Variants in RAB5B observed in about 807,000 individuals in gnomAD.
RAB5B encodes ras-related protein Rab-5B.
In RAB5B, 11 loss-of-function variants were observed where a neutral mutation model predicts 28.6. That is an observed-to-expected ratio of 0.38 (90% CI 0.24 to 0.64). RAB5B has a LOEUF of 0.64. Ranked by LOEUF, RAB5B falls within the 30% of genes least tolerant of loss-of-function variation. The pLI, the probability that RAB5B is intolerant of heterozygous loss-of-function variation, is 0.53. For missense variants in RAB5B, 169 were observed against 265.6 expected (o/e 0.64, Z 2.53); for synonymous variants, 93 against 97.9 (o/e 0.95, Z 0.29).
intron 4 of RAB5B, 120 bp from the exon 5 acceptor site, chr12:55,991,240 G>A: frequency 1.4e-6 from 1 of 692,222 alleles, no homozygotes; most frequent in Non-Finnish European, 2.6e-6. Context: ...GGCTCAAAGG[G>A]GTATTAATTA....
intron 5 of RAB5B, chr12:55,991,787 C>T (rs554102688): frequency 1.5e-5 from 6 of 400,942 alleles, no homozygotes; most frequent in Admixed American, 3.9e-5. Flanking sequence ...ATTAGCTGGG[C>T]GTGGTGGCGC....
In RAB5B at chr12:55,981,622, C is replaced by T. The variant is rs914213938; in HGVS notation, c.-92-5247C>T. Among the ~76,000 whole-genome samples, 4 of 152,010 alleles carry T rather than the reference C, an allele frequency of 2.6e-5. No homozygotes were observed. The East Asian group carries it at 5.8e-4, about 22-fold the overall frequency. ...GGGGCTTGAGGAATGGAGTCTTACTCTAGCTGGGACTGCTAAGACACTTTT... is the reference window on the plus strand; with the variant it reads ...GGGGCTTGAGGAATGGAGTCTTACTTTAGCTGGGACTGCTAAGACACTTTT... On this transcript the variant is annotated intron_variant, in intron 1 of 5. Transcript: ENST00000360299.
At chr12:55,979,429 G>A (rs1340205778) in intron 1 of RAB5B, 1 of 152,200 alleles carries the variant, frequency 6.6e-6, no homozygotes. Context: ...CTCATTTCAA[G>A]ATTTTGGTGA....
intron 5 of RAB5B, 110 bp downstream of exon 5, chr12:55,991,563 G>A: frequency 1.2e-6 from 1 of 811,836 alleles, no homozygotes; most frequent in South Asian, 1.6e-5. Flanking sequence ...AAAACTTTAG[G>A]TATGGAAATA....
rs561415301 is a variant in RAB5B at position 55,977,432 on chromosome 12, C to G, written c.-93+3293C>G. Among the ~76,000 whole-genome samples, 5 of 152,204 alleles carry G rather than the reference C, an allele frequency of 3.3e-5. No homozygotes were observed. In the South Asian group the frequency reaches 1.0e-3, roughly 32 times the overall value. On this transcript the variant is annotated intron_variant, in intron 1 of 5. Transcript: ENST00000360299. Reference sequence around the variant, plus strand: ...TTGGAGAAGAGAGCTTTCCCATTGCCCTTCAAGTCATACCTCATATCTTTT... The same window carrying G: ...TTGGAGAAGAGAGCTTTCCCATTGCGCTTCAAGTCATACCTCATATCTTTT...
At position 55,986,818 on chromosome 12, in the gene RAB5B, T is replaced by C; in HGVS notation, c.-92-51T>C. ...GTTCTATCCTTCTCTGAAAAGCGAT[T>C]GCAGCTTCAATGGACGTATGTTTAA... On this transcript the variant is annotated intron_variant, in intron 1 of 5. Transcript: ENST00000360299. The C allele has an allele frequency of 4.4e-6, 3 of 682,704 alleles. No individual in the cohort carries two copies. In the South Asian group the frequency reaches 5.2e-5, roughly 12 times the overall value. The allele number at this position is 682,704 out of a possible 1,614,324, so 42.3% of individuals were successfully genotyped here.
At position 55,991,463 on chromosome 12, in the gene RAB5B, G is replaced by A. The variant is rs2136491294; in HGVS notation, c.532+10G>A. ...CTCTTCCTGGCAATAGGTAAGGTCA[G>A]AACATCCTGAGGTCCTCCTTTTTCC... On this transcript the variant is annotated intron_variant, in intron 5 of 5. Coordinates refer to ENST00000360299, the MANE Select transcript of RAB5B (RefSeq NM_002868.4). The A allele has an allele frequency of 6.2e-7, 1 of 1,606,182 alleles. No homozygotes were observed. Among genetic ancestry groups the A allele is most frequent in the East Asian group, 2.2e-5 (1 of 44,828 alleles).
rs1565790447 is a variant in RAB5B, at chr12:55,992,123, C to A, written c.559C>A (p.Gln187Lys). The part of the protein sequence containing the change: ...IAKKLPKSEP[Q>K]NLGGAAGRSR... ...TAAGAAGTTGCCAAAGAGTGAACCC[C>A]AGAATCTGGGAGGTGCAGCAGGCCG... Residue 187 changes from glutamine (Q) to lysine (K), a missense_variant, in exon 6 of 6, where the codon CAG (glutamine) becomes AAG (lysine). Around this residue, in one of 3 missense-constraint regions of RAB5B, gnomAD observed 123 missense variants for 162.4 expected, o/e 0.76. Coordinates refer to ENST00000360299, the MANE Select transcript of RAB5B (RefSeq NM_002868.4). 2.5e-6 allele frequency: 4 copies of A among 1,614,110 alleles called. No homozygotes were observed. The highest frequency in any genetic ancestry group is 3.4e-6 in the Non-Finnish European group (4 of 1,180,018).
At chr12:55,980,955 G>T (rs545358218) in intron 1 of RAB5B, 87 of 1,613,712 alleles carry the variant, frequency 5.4e-5, no homozygotes, top group Admixed American at 1.5e-4. Flanking sequence ...TCTGCAAAGC[G>T]AATGATCAGA....
intron 3 of RAB5B, among the ~76,000 whole-genome samples, 176 bp from the exon 4 acceptor site, chr12:55,990,506 A>G (rs1890081752): frequency 6.6e-6 from 1 of 152,200 alleles, no homozygotes; most frequent in Non-Finnish European, 1.5e-5. Context: ...AATAGCAAAT[A>G]AGAGTACAAA....
At chr12:55,991,657 G>A (rs1268037972) in intron 5 of RAB5B, 2 of 520,952 alleles carry the variant, frequency 3.8e-6, no homozygotes, top group East Asian at 3.5e-5. Flanking sequence ...GGCCAGGTGT[G>A]GTGGCTAACA....
At position 55,991,451 on chromosome 12, in the gene RAB5B, T is replaced by C. The variant is rs1890117070; in HGVS notation, c.530T>C (p.Ile177Thr). ...AMNVNDLFLA[I>T]AKKLPKSEPQ... ...AACGTGAATGATCTCTTCCTGGCAA[T>C]AGGTAAGGTCAGAACATCCTGAGGT... is the stretch of plus-strand genomic sequence containing the variant. Residue 177 changes from isoleucine (I) to threonine (T), a missense_variant and splice_region_variant, in exon 5 of 6, where the codon ATA (isoleucine) becomes ACA (threonine). Coordinates refer to ENST00000360299, the MANE Select transcript of RAB5B (RefSeq NM_002868.4). The C allele has an allele frequency of 6.2e-7, 1 of 1,612,188 alleles. No homozygotes were observed. The highest frequency in any genetic ancestry group is 1.1e-5 in the South Asian group (1 of 91,026).
chr12:55,983,874 G>A (rs1473526255), intron 1 of RAB5B, among the ~76,000 whole-genome samples: 2 of 151,844 alleles, frequency 1.3e-5, no homozygotes, highest in Non-Finnish European at 2.9e-5. Flanking sequence ...TGCCTAGGCT[G>A]GTCTCAAACT....
chr12:55,990,290 C>T lies in RAB5B; in HGVS notation c.315+192C>T, dbSNP rs193008993. 167 of 562,600 alleles carry T rather than the reference C, an allele frequency of 3.0e-4. 2 individuals are homozygous for T. The highest frequency in any genetic ancestry group is 1.6e-3 in the Middle Eastern group (3 of 1,870). The allele number at this position is 562,600 out of a possible 1,614,324, so 34.9% of individuals were successfully genotyped here. The stretch of plus-strand genomic sequence containing the variant: ...GGGCGTGGTGGTGCGCGCCTGTAGT[C>T]CCAGCTACTCGGGAGGCTGAGGCAG... On this transcript the variant is annotated intron_variant, in intron 3 of 5. Coordinates refer to ENST00000360299, the MANE Select transcript of RAB5B (RefSeq NM_002868.4).
At chr12:55,986,283 A>G (rs1287016398) in intron 1 of RAB5B, among the ~76,000 whole-genome samples, 4 of 152,212 alleles carry the variant, frequency 2.6e-5, no homozygotes, top group African/African-American at 9.7e-5. Flanking sequence ...CTCCGTCTCT[A>G]CTAAAAATAC....
intron 1 of RAB5B, chr12:55,985,523 G>A (rs1889928219): frequency 3.5e-6 from 1 of 289,102 alleles, no homozygotes; most frequent in East Asian, 1.0e-4. Context: ...TCAGAGTCAG[G>A]ATGATGAAAT....
intron 4 of RAB5B, chr12:55,991,030 G>A (rs1890099800): frequency 3.6e-6 from 2 of 562,718 alleles, no homozygotes; most frequent in South Asian, 4.5e-5. Flanking sequence ...GGTACCAGCT[G>A]TGGGGGTACC....
At position 55,994,694 on chromosome 12, in the gene RAB5B, G is replaced by GA. The variant is rs1033074726; in HGVS notation, c.*2489dup. 7 of 152,220 alleles carry GA rather than the reference G, an allele frequency of 4.6e-5. No homozygotes were observed. 9.4% of individuals were successfully genotyped at this position (152,220 alleles called of 1,614,324 possible). ...ATGTATTTAATGTAAGTAAAAAAAG[G>GA]AAAAAAAGAAAAGGGCATTGGAGTG... On this transcript the variant is annotated 3_prime_UTR_variant, in exon 6 of 6. Transcript: ENST00000360299.
rs34061457 is a variant in RAB5B, at chr12:55,995,972, C to CATATATATATATATAT, written c.*3771_*3772insTATATATATATATATA. On this transcript the variant is annotated 3_prime_UTR_variant, in exon 6 of 6. Transcript: ENST00000360299. ...CTCTCTCTCTCACTCTCTCTCTCTC[C>CATATATATATATATAT]ATATATATATACATATATATATATA... 11 of 108,880 alleles carry CATATATATATATATAT rather than the reference C, an allele frequency of 1.0e-4. No homozygotes were observed. The highest frequency in any genetic ancestry group is 2.3e-4 in the East Asian group (1 of 4,414). 6.7% of individuals were successfully genotyped at this position (108,880 alleles called of 1,614,324 possible). A position where few individuals can be genotyped will look rare whatever the true frequency, so the allele number is the denominator to read the frequency against.
Sources: allele counts gnomAD v4.1 joint callset (sites outside exome capture counted in the v4.1 genomes callset), GRCh38; gene constraint gnomAD v4.1.1; regional missense constraint gnomAD v4.1.1; transcripts MANE v1.5; gene names NCBI Gene and HGNC (gene_info 2026-07-23, HGNC 2026-07-21).